YWHAQ: variants seen among roughly 807,000 people sequenced by gnomAD.
The protein encoded by YWHAQ is tyrosine 3-monooxygenase/tryptophan 5-monooxygenase activation protein theta.
Under a neutral mutation model 28.3 loss-of-function variants are expected in YWHAQ, and 6 were observed. That is an observed-to-expected ratio of 0.21 (90% CI 0.12 to 0.42). The LOEUF is 0.42. YWHAQ is among the 10% of genes least tolerant of loss of function. The pLI, the probability that YWHAQ is intolerant of heterozygous loss-of-function variation, is 1.00. For synonymous variants in YWHAQ, 143 were observed against 119.1 expected (o/e 1.20, Z -1.31); for missense variants, 201 against 305.6 (o/e 0.66, Z 2.55).
At chr2:9,604,200 T>C (rs1450290302) in intron 2 of YWHAQ, among the ~76,000 whole-genome samples, 1 of 152,058 alleles carries the variant, frequency 6.6e-6, no homozygotes, top group African/African-American at 2.4e-5. Context: ...TATTTAATTA[T>C]GGAGTTAGAA....
chr2:9,626,754 A>T (rs1278015966), intron 2 of YWHAQ, among the ~76,000 whole-genome samples: 1 of 152,106 alleles, frequency 6.6e-6, no homozygotes, highest in Non-Finnish European at 1.5e-5. Context: ...TTTGTGTCTA[A>T]ATTTTGCTCT....
At position 9,585,019 on chromosome 2, in the gene YWHAQ, C is replaced by A; in HGVS notation, c.*267G>T. 2.5e-6 allele frequency: 1 copy of A among 396,836 alleles called. No homozygotes were observed. The highest frequency in any genetic ancestry group is 4.2e-5 in the East Asian group (1 of 23,962). The allele number at this position is 396,836 out of a possible 1,614,324, so 24.6% of individuals were successfully genotyped here. ...TTAAATACCAGATACATTTTTAGTC[C>A]TCTACATAAGTGTTTGGGAGTTACT... On this transcript the variant is annotated 3_prime_UTR_variant, in exon 6 of 6. Coordinates refer to ENST00000238081, the MANE Select transcript of YWHAQ (RefSeq NM_006826.4).
chr2:9,619,021 T>C (rs1415348103), intron 2 of YWHAQ, among the ~76,000 whole-genome samples: 1 of 152,174 alleles, frequency 6.6e-6, no homozygotes, highest in Non-Finnish European at 1.5e-5. Flanking sequence ...GAAAAAATAA[T>C]ATTTGAGAAT....
At chr2:9,618,027 G>T (rs1056320386) in intron 2 of YWHAQ, among the ~76,000 whole-genome samples, 5 of 152,068 alleles carry the variant, frequency 3.3e-5, no homozygotes, top group Non-Finnish European at 5.9e-5. Flanking sequence ...CATATTATAT[G>T]ATTCTGTTTA....
At chr2:9,586,233 G>T (rs887362287) in intron 5 of YWHAQ, among the ~76,000 whole-genome samples, 2 of 152,150 alleles carry the variant, frequency 1.3e-5, no homozygotes, top group African/African-American at 4.8e-5. Flanking sequence ...GAATTAGACA[G>T]AATGTTAAAA....
intron 2 of YWHAQ, among the ~76,000 whole-genome samples, chr2:9,629,457 A>G (rs1667311056): frequency 6.6e-6 from 1 of 152,228 alleles, no homozygotes; most frequent in African/African-American, 2.4e-5. Flanking sequence ...TGGACAGTTC[A>G]AAACCTGGAA....
intron 2 of YWHAQ, among the ~76,000 whole-genome samples, chr2:9,607,095 G>C (rs537542507): frequency 1.3e-5 from 2 of 152,178 alleles, no homozygotes; most frequent in East Asian, 3.9e-4. Context: ...TGTTGGTCAT[G>C]CTGGTCTCGA....
rs1490861441 is a variant in YWHAQ, at chr2:9,630,934, C to A, written c.-83+7G>T. On this transcript the variant is annotated splice_region_variant and intron_variant, in intron 1 of 5. Transcript: ENST00000238081. The surrounding 1 kb of genome is among the most constrained non-coding windows in gnomAD (Gnocchi z 5.6). ...GAGGAAGCCCGCGGGCCGACCCAGG[C>A]GCTCACCTTCACGTCTCCGCGGCCG... is the stretch of plus-strand genomic sequence containing the variant. 6.5e-6 allele frequency: 1 copy of A among 152,758 alleles called. No individual in the cohort carries two copies. Among genetic ancestry groups the A allele is most frequent in the Non-Finnish European group, 1.5e-5 (1 of 68,164 alleles). 9.5% of individuals were successfully genotyped at this position (152,758 alleles called of 1,614,324 possible). A position where few individuals can be genotyped will look rare whatever the true frequency, so the allele number is the denominator to read the frequency against.
In YWHAQ at chr2:9,622,550, G is replaced by C. The variant is rs141522055; in HGVS notation, c.294+7609C>G. On this transcript the variant is annotated intron_variant, in intron 2 of 5. Coordinates refer to ENST00000238081, the MANE Select transcript of YWHAQ (RefSeq NM_006826.4). ...TTGTACCTATGCGCCTTGGCCCCAT[G>C]CATCATTCCCTCTTGCGTAAACACC... is the stretch of plus-strand genomic sequence containing the variant. Among the ~76,000 whole-genome samples, 918 of 152,282 alleles carry C rather than the reference G, an allele frequency of 6.0e-3. 6 individuals carry two copies. Among genetic ancestry groups the C allele is most frequent in the Non-Finnish European group, 7.2e-3 (488 of 68,026 alleles).
chr2:9,627,328 C>A (rs560808095), intron 2 of YWHAQ, among the ~76,000 whole-genome samples: 10 of 152,302 alleles, frequency 6.6e-5, no homozygotes, highest in African/African-American at 2.4e-4. Flanking sequence ...GTTAGTCTCA[C>A]CTCCTCCACA....
At chr2:9,586,078 C>T (rs184122543) in intron 5 of YWHAQ, among the ~76,000 whole-genome samples, 2 of 152,184 alleles carry the variant, frequency 1.3e-5, no homozygotes, top group African/African-American at 4.8e-5. Context: ...AGGAAAAAGC[C>T]ACAATCATGG....
chr2:9,611,165 A>G (rs1404548513), intron 2 of YWHAQ, among the ~76,000 whole-genome samples: 1 of 152,186 alleles, frequency 6.6e-6, no homozygotes, highest in African/African-American at 2.4e-5. Context: ...ACAGTCTAAA[A>G]AAGTGTGAAC....
chr2:9,630,500 C>G lies in YWHAQ; in HGVS notation c.-48G>C. ...GGGCGGAGGGCGAGGAGAGCGAGGG[C>G]GAGCGCCGACCCGCAGCGGGAGGAG... On this transcript the variant is annotated 5_prime_UTR_variant, in exon 2 of 6. Coordinates refer to ENST00000238081, the MANE Select transcript of YWHAQ (RefSeq NM_006826.4). This position sits in a 1 kb window ranked among gnomAD's most constrained non-coding sequence, Gnocchi z 5.6. 6.7e-7 allele frequency: 1 copy of G among 1,493,642 alleles called. No homozygotes were observed. Among genetic ancestry groups the G allele is most frequent in the Middle Eastern group, 1.8e-4 (1 of 5,604 alleles). 92.5% of individuals were successfully genotyped at this position (1,493,642 alleles called of 1,614,324 possible).
intron 2 of YWHAQ, among the ~76,000 whole-genome samples, chr2:9,627,845 C>A (rs777342636): frequency 7.2e-5 from 11 of 152,168 alleles, no homozygotes; most frequent in Non-Finnish European, 1.3e-4. Context: ...ACAAGCCCTA[C>A]CCCGGATATT....
At chr2:9,590,787 T>C (rs1320782974) in intron 3 of YWHAQ, among the ~76,000 whole-genome samples, 1 of 152,192 alleles carries the variant, frequency 6.6e-6, no homozygotes, top group Non-Finnish European at 1.5e-5. Context: ...CAACAGTTCC[T>C]GTATATTCAA....
At chr2:9,602,592 C>T (rs955284634) in intron 2 of YWHAQ, among the ~76,000 whole-genome samples, 3 of 151,060 alleles carry the variant, frequency 2.0e-5, no homozygotes, top group Admixed American at 6.6e-5. Flanking sequence ...CAGCCTGGAA[C>T]GGAGTGCAGT....
Position 9,630,342 on chromosome 2 carries a change from G to A in YWHAQ, c.111C>T (p.Ser37=), listed in dbSNP as rs377250330. ...KAVTEQGAEL[S]NEERNLLSVA... ...CGGAGAGCAGGTTGCGCTCCTCGTT[G>A]GACAGCTCGGCGCCCTGCTCGGTCA... The change falls in exon 2 of 6, where the codon TCC becomes TCT. Residue 37 remains serine, a synonymous_variant. Transcript: ENST00000238081. This position sits in a 1 kb window ranked among gnomAD's most constrained non-coding sequence, Gnocchi z 5.6. 13 of 1,614,152 alleles carry A rather than the reference G, an allele frequency of 8.1e-6. No individual in the cohort carries two copies. Among genetic ancestry groups the A allele is most frequent in the Non-Finnish European group, 1.1e-5 (13 of 1,180,040 alleles).
At chr2:9,601,200 G>A (rs986189319) in intron 2 of YWHAQ, among the ~76,000 whole-genome samples, 3 of 152,202 alleles carry the variant, frequency 2.0e-5, no homozygotes, top group African/African-American at 7.2e-5. Context: ...GGTGGCTCAA[G>A]CCTGTAATCC....
chr2:9,623,308 G>A (rs1360227833), intron 2 of YWHAQ, among the ~76,000 whole-genome samples: 18 of 152,238 alleles, frequency 1.2e-4, no homozygotes, highest in Admixed American at 1.2e-3. Context: ...GCTGATGACA[G>A]TGTATACACA....
Sources: allele counts gnomAD v4.1 joint callset (sites outside exome capture counted in the v4.1 genomes callset), GRCh38; gene constraint gnomAD v4.1.1; non-coding constraint Gnocchi (gnomAD v3.1); transcripts MANE v1.5; gene names NCBI Gene and HGNC (gene_info 2026-07-23, HGNC 2026-07-21).